Variants in SPAG9 observed in about 807,000 individuals in gnomAD.
The protein encoded by SPAG9 is C-Jun-amino-terminal kinase-interacting protein 4.
SPAG9 carries 35 observed loss-of-function variants against 166.5 expected under a neutral mutation model. That is an observed-to-expected ratio of 0.21 (90% CI 0.16 to 0.28). SPAG9 has a LOEUF of 0.28. Ranked by LOEUF, SPAG9 falls within the 10% of genes least tolerant of loss-of-function variation. The pLI is 1.00. For synonymous variants in SPAG9, 534 were observed against 565.5 expected, an observed-to-expected ratio of 0.94 and a Z score of 0.79; for missense variants, 1,235 against 1,603.3, an observed-to-expected ratio of 0.77 and a Z score of 3.92.
chr17:50,991,927 T>C (rs991815670), intron 19 of SPAG9, among the ~76,000 whole-genome samples: 1 of 126,040 alleles, frequency 7.9e-6, no homozygotes, highest in Non-Finnish European at 1.6e-5. Flanking sequence ...CCAGGTCTTT[T>C]TTTTTTTTTT....
chr17:51,054,713 G>C (rs1017705409), intron 3 of SPAG9, among the ~76,000 whole-genome samples: 3 of 152,056 alleles, frequency 2.0e-5, no homozygotes, highest in African/African-American at 7.2e-5. Context: ...TGGGATTACA[G>C]GTGTGAGCCA....
chr17:51,046,745 A>AT (rs760063215), intron 4 of SPAG9: 86 of 1,535,492 alleles, frequency 5.6e-5, no homozygotes, highest in Non-Finnish European at 7.2e-5. Context: ...AGGATCTGTC[A>AT]TTCAGCTTGC....
chr17:51,018,716 T>C (rs971649084), intron 8 of SPAG9, among the ~76,000 whole-genome samples: 139 of 152,138 alleles, frequency 9.1e-4, no homozygotes, highest in Non-Finnish European at 1.5e-4. Context: ...CAAGCCCCAG[T>C]CAGGAGGGGG....
At chr17:50,982,751 GTATAATT>G in intron 24 of SPAG9, 79 bp from the exon 25 acceptor site, 1 of 1,265,832 alleles carries the variant, frequency 7.9e-7, no homozygotes, top group Non-Finnish European at 1.1e-6. Flanking sequence ...TTTATTTGTT[GTATAATT>G]AAATTTATTG....
chr17:50,971,459 C>CTTTTTTTTT (rs71353691), intron 28 of SPAG9, among the ~76,000 whole-genome samples: 1 of 89,872 alleles, frequency 1.1e-5, no homozygotes. Flanking sequence ...TTCAAACTAC[C>CTTTTTTTTT]TTTTTTTTTT....
intron 1 of SPAG9, among the ~76,000 whole-genome samples, chr17:51,110,871 C>A (rs1401315315): frequency 6.7e-6 from 1 of 149,824 alleles, no homozygotes; most frequent in South Asian, 2.1e-4. Flanking sequence ...TGTAATCCCA[C>A]CACTTTGGGA....
chr17:51,004,739 G>A (rs965714643), intron 12 of SPAG9, among the ~76,000 whole-genome samples: 2 of 151,976 alleles, frequency 1.3e-5, no homozygotes, highest in Admixed American at 6.6e-5. Flanking sequence ...CAAAAAAAAA[G>A]ACTAGGGGTA....
intron 10 of SPAG9, 124 bp downstream of exon 10, chr17:51,007,145 T>TCAGAG (rs1322868104): frequency 3.8e-6 from 2 of 524,706 alleles, no homozygotes; most frequent in Non-Finnish European, 6.8e-6. Flanking sequence ...GTGTGCACAC[T>TCAGAG]CAGAGTTGGG....
At chr17:50,999,542 AG>A in intron 14 of SPAG9, 118 bp downstream of exon 14, 2 of 1,442,454 alleles carry the variant, frequency 1.4e-6, no homozygotes, top group Non-Finnish European at 1.9e-6. Context: ...CATTACCCCT[AG>A]TTTAAAAAAA....
chr17:51,010,384 T>C (rs2045417467), intron 9 of SPAG9, among the ~76,000 whole-genome samples: 1 of 151,992 alleles, frequency 6.6e-6, no homozygotes. Context: ...GACACAGTTG[T>C]CTCAGCCACA....
chr17:50,979,702 A>G, intron 26 of SPAG9, 44 bp downstream of exon 26: 2 of 1,569,786 alleles, frequency 1.3e-6, no homozygotes, highest in Non-Finnish European at 1.7e-6. Context: ...ATAAAATAAA[A>G]CACCCTCTTT....
intron 2 of SPAG9, among the ~76,000 whole-genome samples, chr17:51,074,230 C>A (rs886330686): frequency 6.6e-6 from 1 of 150,950 alleles, no homozygotes; most frequent in Non-Finnish European, 1.5e-5. Context: ...AGCGAGACTC[C>A]GTCTCAAAAA....
At chr17:51,097,048 G>A (rs145623381) in intron 1 of SPAG9, among the ~76,000 whole-genome samples, 7 of 152,364 alleles carry the variant, frequency 4.6e-5, no homozygotes, top group African/African-American at 1.7e-4. Flanking sequence ...GAAAGGGGCT[G>A]AAGGTGAAGT....
intron 2 of SPAG9, among the ~76,000 whole-genome samples, chr17:51,072,319 G>A (rs1251276515): frequency 6.7e-6 from 1 of 149,426 alleles, no homozygotes; most frequent in East Asian, 2.0e-4. Flanking sequence ...TGATACGCCT[G>A]CCTCGGCCTC....
At position 51,014,137 on chromosome 17, in the gene SPAG9, A is replaced by C; in HGVS notation, c.1213+95T>G. ...AAAGGGCAATAACCCTGTATCACTG[A>C]GCAGTTGGGGACATTTTAAAGGACT... On this transcript the variant is annotated intron_variant, in intron 9 of 29. Coordinates refer to ENST00000262013, the MANE Select transcript of SPAG9 (RefSeq NM_001130528.3). 3 of 1,061,346 alleles carry C rather than the reference A, an allele frequency of 2.8e-6. No homozygotes were observed. In the South Asian group the frequency reaches 5.9e-5, roughly 21 times the overall value. 65.7% of individuals were successfully genotyped at this position (1,061,346 alleles called of 1,614,324 possible). A position where few individuals can be genotyped will look rare whatever the true frequency, so the allele number is the denominator to read the frequency against.
intron 1 of SPAG9, among the ~76,000 whole-genome samples, chr17:51,086,017 G>A (rs578059865): frequency 1.1e-4 from 15 of 135,282 alleles, no homozygotes; most frequent in African/African-American, 4.4e-4. Flanking sequence ...CGCCCAGGCT[G>A]GAGTGCAGTG....
intron 23 of SPAG9, 32 bp from the exon 24 acceptor site, chr17:50,985,022 C>G: frequency 6.3e-7 from 1 of 1,599,654 alleles, no homozygotes; most frequent in Non-Finnish European, 8.6e-7. Flanking sequence ...TCAGAACTCT[C>G]CATTCAGGAA....
rs539357487 is a variant in SPAG9, at chr17:51,001,558, T to G, written c.1607+157A>C. On this transcript the variant is annotated intron_variant, in intron 13 of 29. Coordinates refer to ENST00000262013, the MANE Select transcript of SPAG9 (RefSeq NM_001130528.3). ...CCAAAAAGCACCTCCTTTGATCACA[T>G]TCTGTTGCTAATTCTGAGTGTTACT... Among the ~76,000 whole-genome samples, 4 of 152,316 alleles carry G rather than the reference T, an allele frequency of 2.6e-5. No homozygotes were observed. In the East Asian group the frequency reaches 7.7e-4, roughly 29 times the overall value.
rs1471607968 is a variant in SPAG9 at position 51,120,705 on chromosome 17, C to G, written c.-49G>C. 2.7e-6 allele frequency: 4 copies of G among 1,483,306 alleles called. No individual in the cohort carries two copies. The highest frequency in any genetic ancestry group is 2.7e-6 in the Non-Finnish European group (3 of 1,104,866). 91.9% of individuals were successfully genotyped at this position (1,483,306 alleles called of 1,614,324 possible). Reference sequence around the variant, plus strand: ...GCCCGGGGCGTCGCCGGCAGAGGGGCGGCACCTGCCCGCACGGGACGGACC... The same window carrying G: ...GCCCGGGGCGTCGCCGGCAGAGGGGGGGCACCTGCCCGCACGGGACGGACC... On this transcript the variant is annotated 5_prime_UTR_variant, in exon 1 of 30. Transcript: ENST00000262013. This position sits in a 1 kb window ranked among gnomAD's most constrained non-coding sequence, Gnocchi z 4.7.
Sources: allele counts gnomAD v4.1 joint callset (sites outside exome capture counted in the v4.1 genomes callset), GRCh38; gene constraint gnomAD v4.1.1; non-coding constraint Gnocchi (gnomAD v3.1); transcripts MANE v1.5; gene names NCBI Gene and HGNC (gene_info 2026-07-23, HGNC 2026-07-21).